Variants in DIPK1A observed in about 807,000 individuals in gnomAD.
The protein encoded by DIPK1A is divergent protein kinase domain 1A.
In DIPK1A, 27 loss-of-function variants were observed where a neutral mutation model predicts 40.8. That is an observed-to-expected ratio of 0.66 (90% CI 0.49 to 0.91). The LOEUF is 0.91. Among genes scored for constraint, DIPK1A ranks in the 40% least tolerant of loss-of-function variants. DIPK1A has a pLI of 0.00. For synonymous variants in DIPK1A, 166 were observed against 171.3 expected (o/e 0.97, Z 0.24); for missense variants, 412 against 505.7 (o/e 0.81, Z 1.78).
At chr1:92,936,774 G>A (rs541893727) in intron 1 of DIPK1A, among the ~76,000 whole-genome samples, 1 of 152,304 alleles carries the variant, frequency 6.6e-6, no homozygotes, top group South Asian at 2.1e-4. Context: ...ATTGAGTGCT[G>A]TTATACATGG....
intron 1 of DIPK1A, among the ~76,000 whole-genome samples, chr1:92,876,656 A>C (rs1447144653): frequency 1.3e-5 from 2 of 152,180 alleles, no homozygotes; most frequent in African/African-American, 2.4e-5. Context: ...ATATCCTTTA[A>C]GATGTATAAC....
chr1:92,948,684 T>C (rs891187919), intron 1 of DIPK1A, among the ~76,000 whole-genome samples: 23 of 122,542 alleles, frequency 1.9e-4, no homozygotes, highest in South Asian at 1.2e-3. Context: ...TATACATGTA[T>C]ATGTATATAT....
chr1:92,957,385 G>C (rs1443956162), intron 1 of DIPK1A, among the ~76,000 whole-genome samples: 3 of 152,220 alleles, frequency 2.0e-5, no homozygotes, highest in Non-Finnish European at 4.4e-5. Context: ...TCAATGTGCT[G>C]CATCATTTAG....
chr1:92,884,185 G>A (rs1648500308), intron 1 of DIPK1A, among the ~76,000 whole-genome samples: 1 of 152,114 alleles, frequency 6.6e-6, no homozygotes, highest in Non-Finnish European at 1.5e-5. Flanking sequence ...TAAGAGCGGT[G>A]GCTCACACCT....
intron 2 of DIPK1A, among the ~76,000 whole-genome samples, chr1:92,875,297 T>C (rs1471150240): frequency 4.6e-5 from 7 of 152,164 alleles, no homozygotes; most frequent in African/African-American, 1.7e-4. Context: ...ACCACTGGCC[T>C]GGGTAAAGAG....
chr1:92,945,939 C>A (rs1651344651), intron 1 of DIPK1A, among the ~76,000 whole-genome samples: 1 of 152,100 alleles, frequency 6.6e-6, no homozygotes, highest in Non-Finnish European at 1.5e-5. Flanking sequence ...ATTAGGGATC[C>A]CAAAGGCTAG....
At position 92,837,045 on chromosome 1, in the gene DIPK1A, G is replaced by A. The variant is rs142428734; in HGVS notation, c.475-4011C>T. The A allele has an allele frequency of 4.5e-5, 13 of 292,038 alleles. 1 individual carries two copies. Among genetic ancestry groups the A allele is most frequent in the African/African-American group, 2.9e-4 (13 of 45,478 alleles). The allele number at this position is 292,038 out of a possible 1,614,324, so 18.1% of individuals were successfully genotyped here. A position where few individuals can be genotyped will look rare whatever the true frequency, so the allele number is the denominator to read the frequency against. On this transcript the variant is annotated intron_variant, in intron 4 of 4. Transcript: ENST00000615519. Reference sequence around the variant, plus strand: ...TTTATGATGTGGAGGTGGGTGGGGGGAGTTAGTTGCAAGTACACCAAGAGC... The same window carrying A: ...TTTATGATGTGGAGGTGGGTGGGGGAAGTTAGTTGCAAGTACACCAAGAGC...
At chr1:92,938,271 C>T (rs1651018503) in intron 1 of DIPK1A, among the ~76,000 whole-genome samples, 1 of 151,456 alleles carries the variant, frequency 6.6e-6, no homozygotes, top group Non-Finnish European at 1.5e-5. Flanking sequence ...TGGTGCACAC[C>T]TGTAATCCCA....
At chr1:92,853,014 C>T (rs1459857119) in intron 2 of DIPK1A, among the ~76,000 whole-genome samples, 1 of 152,040 alleles carries the variant, frequency 6.6e-6, no homozygotes, top group Admixed American at 6.6e-5. Context: ...TGTACTCCAG[C>T]CTGGGTGACA....
intron 1 of DIPK1A, among the ~76,000 whole-genome samples, chr1:92,952,525 TG>T (rs1205988992): frequency 6.6e-6 from 1 of 151,896 alleles, no homozygotes; most frequent in Non-Finnish European, 1.5e-5. Flanking sequence ...GAGGCTGAGG[TG>T]GGAGATCGCT....
At chr1:92,897,973 C>CA (rs1427751134) in intron 1 of DIPK1A, among the ~76,000 whole-genome samples, 2 of 152,058 alleles carry the variant, frequency 1.3e-5, no homozygotes, top group African/African-American at 4.8e-5. Context: ...GTGGCGTGCA[C>CA]CTATAGTCTC....
In DIPK1A at chr1:92,860,756, C is replaced by T. The variant is rs373746510; in HGVS notation, c.190-9801G>A. 2.5e-3 allele frequency among the ~76,000 whole-genome samples: 370 copies of T among 150,122 alleles called. 2 individuals are homozygous for T. The highest frequency in any genetic ancestry group is 0.017 in the South Asian group (78 of 4,716). On this transcript the variant is annotated intron_variant, in intron 2 of 4. Transcript: ENST00000370310. ...CCAAGATTGTACCACTGCACTCCAG[C>T]GTGGGCGACAGAGCAAGACTGCATC...
chr1:92,950,074 T>G (rs1363532744), intron 1 of DIPK1A, among the ~76,000 whole-genome samples: 1 of 152,130 alleles, frequency 6.6e-6, no homozygotes, highest in African/African-American at 2.4e-5. Context: ...ACTCGCAGTT[T>G]GGGTCACAGA....
intron 1 of DIPK1A, among the ~76,000 whole-genome samples, chr1:92,903,389 C>T (rs928843603): frequency 2.6e-5 from 4 of 152,194 alleles, no homozygotes; most frequent in African/African-American, 9.6e-5. Context: ...AATTAGCATT[C>T]ACTGCATTTT....
At chr1:92,947,556 A>C (rs1651424222) in intron 1 of DIPK1A, among the ~76,000 whole-genome samples, 1 of 152,234 alleles carries the variant, frequency 6.6e-6, no homozygotes, top group South Asian at 2.1e-4. Flanking sequence ...AAAAAACTAC[A>C]AACAGAATTA....
chr1:92,895,486 G>A (rs9439942), intron 1 of DIPK1A, among the ~76,000 whole-genome samples: 5,242 of 151,998 alleles, frequency 0.034, 276 homozygotes, highest in African/African-American at 0.1. Flanking sequence ...AATAAATTAG[G>A]TATTGATGGG....
intron 1 of DIPK1A, among the ~76,000 whole-genome samples, chr1:92,894,361 G>A (rs1486192273): frequency 2.0e-5 from 3 of 151,994 alleles, no homozygotes; most frequent in East Asian, 3.8e-4. Flanking sequence ...ACTCAAAACC[G>A]CTCAACTACA....
In DIPK1A at chr1:92,949,204, T is replaced by C. The variant is rs4335386; in HGVS notation, c.54+12172A>G. On this transcript the variant is annotated intron_variant, in intron 1 of 4. Coordinates refer to ENST00000370310, the MANE Select transcript of DIPK1A (RefSeq NM_001006605.5). ...TAGAACTTCACCTTCCTTCAGGAAG[T>C]ATTTGGGGAACTTAAAAAACTTAAT... Among the ~76,000 whole-genome samples the C allele has an allele frequency of 5.0e-3, 766 of 152,264 alleles. 5 individuals are homozygous for C. The highest frequency in any genetic ancestry group is 0.018 in the African/African-American group (742 of 41,552).
intron 1 of DIPK1A, among the ~76,000 whole-genome samples, chr1:92,958,535 A>G (rs1651934290): frequency 6.6e-6 from 1 of 151,938 alleles, no homozygotes; most frequent in Non-Finnish European, 1.5e-5. Context: ...TTCTTCCTGT[A>G]CTCTTACCCT....
Sources: gnomAD v4.1 joint callset for allele counts (sites outside exome capture counted in the v4.1 genomes callset) on GRCh38, gnomAD v4.1.1 for gene constraint, MANE v1.5 for transcripts, NCBI Gene and HGNC (gene_info 2026-07-23, HGNC 2026-07-21) for gene names.